The following AJAP1 variants were observed in gnomAD, a reference collection of about 807,000 sequenced individuals.
AJAP1 encodes adherens junction-associated protein 1.
In AJAP1, 5 loss-of-function variants were observed where a neutral mutation model predicts 35.0. That is an observed-to-expected ratio of 0.14 (90% confidence interval 0.07 to 0.30). The LOEUF (loss-of-function observed/expected upper bound fraction) is 0.30, where lower values mean the gene tolerates loss of function less well. Ranked by LOEUF, AJAP1 falls within the 10% of genes least tolerant of loss-of-function variation. The pLI is 1.00. For missense variants in AJAP1, 586 were observed against 571.0 expected (o/e 1.03, Z -0.27); for synonymous variants, 284 against 249.3 (o/e 1.14, Z -1.31).
At chr1:4,707,490 C>T (rs1005159384) in intron 1 of AJAP1, among the ~76,000 whole-genome samples, 1 of 152,158 alleles carries the variant, frequency 6.6e-6, no homozygotes, top group Admixed American at 6.5e-5. Flanking sequence ...TGTGCATTTC[C>T]TATAAACGGA....
intron 2 of AJAP1, among the ~76,000 whole-genome samples, chr1:4,767,391 C>G (rs1378346172): frequency 6.6e-6 from 1 of 150,676 alleles, no homozygotes; most frequent in Non-Finnish European, 1.5e-5. Flanking sequence ...TCACCACCAC[C>G]ATCATCATCG....
intron 1 of AJAP1, among the ~76,000 whole-genome samples, chr1:4,696,202 C>T (rs1311687196): frequency 1.3e-5 from 2 of 152,158 alleles, no homozygotes; most frequent in Admixed American, 6.5e-5. Context: ...GGCTCCTGGT[C>T]ATTCAGAAAT....
rs951526129 is a variant in AJAP1, at chr1:4,784,855, A to G, written c.*2370A>G. On this transcript the variant is annotated 3_prime_UTR_variant, in exon 6 of 6. Coordinates refer to ENST00000378191, the MANE Select transcript of AJAP1 (RefSeq NM_018836.4). ...CTCTGCGCGCCATCCGGCCTCGTCC[A>G]TCCCATTCTCCTTCAATCACTCCCT... 4 of 152,386 alleles carry G rather than the reference A, an allele frequency of 2.6e-5. No homozygotes were observed. The highest frequency in any genetic ancestry group is 4.4e-5 in the Non-Finnish European group (3 of 68,138). The allele number at this position is 152,386 out of a possible 1,614,324, so 9.4% of individuals were successfully genotyped here. A position where few individuals can be genotyped will look rare whatever the true frequency, so the allele number is the denominator to read the frequency against.
rs1350720523 is a variant in AJAP1, at chr1:4,784,469, CAG to C, written c.*1985_*1986del. On this transcript the variant is annotated 3_prime_UTR_variant, in exon 6 of 6. Transcript: ENST00000378191. ...GCAAAAAGGTTAAAGATCAGACAGA[CAG>C]CTGACCTTACTGCCCTCAATGGCCA... is the stretch of plus-strand genomic sequence containing the variant. 1 of 152,248 alleles carries C rather than the reference CAG, an allele frequency of 6.6e-6. No individual in the cohort carries two copies. The allele number at this position is 152,248 out of a possible 1,614,324, so 9.4% of individuals were successfully genotyped here. A position where few individuals can be genotyped will look rare whatever the true frequency, so the allele number is the denominator to read the frequency against.
At chr1:4,708,176 C>T (rs1437213184) in intron 1 of AJAP1, among the ~76,000 whole-genome samples, 1 of 151,948 alleles carries the variant, frequency 6.6e-6, no homozygotes, top group African/African-American at 2.4e-5. Context: ...CCATGTTGTG[C>T]AGGATGGTCT....
intron 2 of AJAP1, among the ~76,000 whole-genome samples, chr1:4,758,513 C>T (rs561546542): frequency 6.6e-5 from 10 of 152,208 alleles, no homozygotes; most frequent in South Asian, 4.2e-4. Flanking sequence ...CCGAGTGAAG[C>T]GGGGAAAGAG....
intron 2 of AJAP1, among the ~76,000 whole-genome samples, chr1:4,742,303 C>T (rs532077970): frequency 1.3e-5 from 2 of 152,316 alleles, no homozygotes; most frequent in East Asian, 1.9e-4. Flanking sequence ...GAACACAGTA[C>T]GGCTTCGTGA....
chr1:4,741,262 C>T (rs572657839), intron 2 of AJAP1, among the ~76,000 whole-genome samples: 2 of 152,306 alleles, frequency 1.3e-5, no homozygotes, highest in Admixed American at 6.5e-5. Flanking sequence ...GGTGACCTAA[C>T]CCAGTAGAAA....
At chr1:4,772,788 CAT>C (rs1277569246) in intron 4 of AJAP1, among the ~76,000 whole-genome samples, 1 of 152,192 alleles carries the variant, frequency 6.6e-6, no homozygotes, top group African/African-American at 2.4e-5. Flanking sequence ...GCGGGAAATG[CAT>C]AGTCTCCCAG....
At position 4,791,437 on chromosome 1, in the gene AJAP1, G is replaced by A. The variant is rs938267370; in HGVS notation, c.*8952G>A. On this transcript the variant is annotated 3_prime_UTR_variant, in exon 6 of 6. Coordinates refer to ENST00000378191, the MANE Select transcript of AJAP1 (RefSeq NM_018836.4). Reference sequence around the variant, plus strand: ...CCAGTTGTTTAATTCTGTAGAAACTGTTCACGAAAGGCTGAATGAGTGGGG... The same window carrying A: ...CCAGTTGTTTAATTCTGTAGAAACTATTCACGAAAGGCTGAATGAGTGGGG... 7.2e-5 allele frequency: 11 copies of A among 152,314 alleles called. No homozygotes were observed. The highest frequency in any genetic ancestry group is 3.9e-4 in the East Asian group (2 of 5,182). 9.4% of individuals were successfully genotyped at this position (152,314 alleles called of 1,614,324 possible).
chr1:4,710,558 A>T (rs1395536092), intron 1 of AJAP1, among the ~76,000 whole-genome samples: 1 of 152,102 alleles, frequency 6.6e-6, no homozygotes, highest in Admixed American at 6.5e-5. Flanking sequence ...TTGTGAAGTC[A>T]CTCACCGCCT....
rs563110290 is a variant in AJAP1 at position 4,729,678 on chromosome 1, A to G, written c.829+16979A>G. ...ATGAGGACAGCCGTCCTATTGGATG[A>G]GGGCCCACCCCGATGGCCTCATTTT... On this transcript the variant is annotated intron_variant, in intron 2 of 5. Coordinates refer to ENST00000378191, the MANE Select transcript of AJAP1 (RefSeq NM_018836.4). Among the ~76,000 whole-genome samples, 8 of 130,422 alleles carry G rather than the reference A, an allele frequency of 6.1e-5. No individual in the cohort carries two copies. The East Asian group carries it at 1.6e-3, about 25-fold the overall frequency. 85.6% of individuals were successfully genotyped at this position (130,422 alleles called of 152,430 possible). A position where few individuals can be genotyped will look rare whatever the true frequency, so the allele number is the denominator to read the frequency against.
chr1:4,733,524 C>G (rs1229817765), intron 2 of AJAP1, among the ~76,000 whole-genome samples: 2 of 150,914 alleles, frequency 1.3e-5, no homozygotes, highest in Admixed American at 1.3e-4. Flanking sequence ...TCAACTCAAC[C>G]CCTGTCCTCA....
intron 1 of AJAP1, among the ~76,000 whole-genome samples, chr1:4,669,994 G>A (rs1195319584): frequency 6.6e-6 from 1 of 152,198 alleles, no homozygotes; most frequent in Non-Finnish European, 1.5e-5. Context: ...CACTGCTACA[G>A]CATTTGTGTG....
intron 1 of AJAP1, among the ~76,000 whole-genome samples, chr1:4,687,227 C>T (rs141516377): frequency 3.2e-4 from 48 of 152,308 alleles, no homozygotes; most frequent in Non-Finnish European, 5.7e-4. Flanking sequence ...GAACGCCTCT[C>T]GAAAGCCACC....
intron 2 of AJAP1, among the ~76,000 whole-genome samples, chr1:4,739,769 C>T (rs1641015021): frequency 6.6e-6 from 1 of 152,144 alleles, no homozygotes. Context: ...TGTTCTTCAC[C>T]ACACAGCATG....
chr1:4,713,931 C>T (rs1640329576), intron 2 of AJAP1, among the ~76,000 whole-genome samples: 1 of 152,188 alleles, frequency 6.6e-6, no homozygotes, highest in Non-Finnish European at 1.5e-5. Context: ...GTGCAGGCGG[C>T]CGGCATGGCA....
chr1:4,768,325 G>T lies in AJAP1; in HGVS notation c.830-1528G>T, dbSNP rs1241739977. Among the ~76,000 whole-genome samples, 4 of 137,648 alleles carry T rather than the reference G, an allele frequency of 2.9e-5. No homozygotes were observed. The South Asian group carries it at 8.8e-4, about 30-fold the overall frequency. The allele number at this position is 137,648 out of a possible 152,430, so 90.3% of individuals were successfully genotyped here. ...CATGTGTTTCCTCCACTGTTTGCCG[G>T]ATGCTGTTATTCTGTGGATCCTGGA... On this transcript the variant is annotated intron_variant, in intron 2 of 5. Coordinates refer to ENST00000378191, the MANE Select transcript of AJAP1 (RefSeq NM_018836.4).
intron 1 of AJAP1, among the ~76,000 whole-genome samples, chr1:4,658,444 G>A (rs906542728): frequency 2.6e-5 from 4 of 152,194 alleles, no homozygotes; most frequent in African/African-American, 9.6e-5. Context: ...GGGCTGTGCA[G>A]CCCAGCTTTA....
Sources: allele counts gnomAD v4.1 joint callset (sites outside exome capture counted in the v4.1 genomes callset), GRCh38; gene constraint gnomAD v4.1.1; transcripts MANE v1.5; gene names NCBI Gene and HGNC (gene_info 2026-07-23, HGNC 2026-07-21).